KBTBD12: variants seen among roughly 807,000 people sequenced by gnomAD.
KBTBD12 encodes kelch repeat and BTB domain-containing protein 12.
In KBTBD12, 53 loss-of-function variants were observed where a neutral mutation model predicts 58.7. That is an observed-to-expected ratio of 0.90 (90% CI 0.72 to 1.14). KBTBD12 has a LOEUF of 1.14. Among genes scored for constraint, KBTBD12 ranks in the 50% most tolerant of loss-of-function variants. The pLI is 0.00. For missense variants in KBTBD12, 704 were observed against 751.3 expected (o/e 0.94, Z 0.74); for synonymous variants, 236 against 259.8 (o/e 0.91, Z 0.88).
chr3:127,926,254 T>A (rs1445006736), intron 2 of KBTBD12, among the ~76,000 whole-genome samples: 1 of 152,184 alleles, frequency 6.6e-6, no homozygotes, highest in African/African-American at 2.4e-5. Flanking sequence ...AAACATCTAC[T>A]TTCTAACCTT....
chr3:127,972,837 T>G (rs1467218355), intron 5 of KBTBD12, among the ~76,000 whole-genome samples: 1 of 152,146 alleles, frequency 6.6e-6, no homozygotes, highest in East Asian at 1.9e-4. Flanking sequence ...ACACATTGAA[T>G]CAAAAGCCAG....
intron 1 of KBTBD12, 77 bp from the exon 2 acceptor site, chr3:127,922,873 T>C (rs1162276670): frequency 6.0e-6 from 3 of 501,568 alleles, no homozygotes; most frequent in African/African-American, 5.8e-5. Context: ...TAAATACTTT[T>C]TTTAGAACTA....
In KBTBD12 at chr3:127,985,334, A is replaced by G. The variant is rs1378254334; in HGVS notation, c.*1056A>G. The G allele has an allele frequency of 6.6e-6, 1 of 152,260 alleles. No individual in the cohort carries two copies. The highest frequency in any genetic ancestry group is 1.5e-5 in the Non-Finnish European group (1 of 68,060). 9.4% of individuals were successfully genotyped at this position (152,260 alleles called of 1,614,324 possible). A position where few individuals can be genotyped will look rare whatever the true frequency, so the allele number is the denominator to read the frequency against. On this transcript the variant is annotated 3_prime_UTR_variant, in exon 6 of 6. Coordinates refer to ENST00000405109, the MANE Select transcript of KBTBD12 (RefSeq NM_207335.4). ...CTTCAGCCCACAATTGAGCATAATCAGAAGACAGTCACTCCCAAAATATAT... is the reference window on the plus strand; with the variant it reads ...CTTCAGCCCACAATTGAGCATAATCGGAAGACAGTCACTCCCAAAATATAT...
chr3:127,980,295 T>C (rs899999610), intron 5 of KBTBD12, among the ~76,000 whole-genome samples: 12 of 152,200 alleles, frequency 7.9e-5, no homozygotes, highest in African/African-American at 2.9e-4. Flanking sequence ...TTGGCACTGA[T>C]AGTGTAATCA....
chr3:127,975,806 T>C (rs1489428108), intron 5 of KBTBD12, among the ~76,000 whole-genome samples: 3 of 152,246 alleles, frequency 2.0e-5, no homozygotes, highest in African/African-American at 7.2e-5. Context: ...TGCTGTTGGC[T>C]TTGGACTTTA....
chr3:127,931,949 A>G (rs1448605947), intron 4 of KBTBD12, among the ~76,000 whole-genome samples: 3 of 152,120 alleles, frequency 2.0e-5, no homozygotes, highest in African/African-American at 7.2e-5. Flanking sequence ...GTAAACTGAG[A>G]AGCAGATTAT....
At chr3:127,953,792 T>C (rs181791971) in intron 4 of KBTBD12, among the ~76,000 whole-genome samples, 2 of 152,358 alleles carry the variant, frequency 1.3e-5, no homozygotes, top group East Asian at 3.9e-4. Context: ...GGAATAGATA[T>C]GGCCAGATTG....
chr3:127,947,116 GT>G (rs1388508742), intron 4 of KBTBD12, among the ~76,000 whole-genome samples: 3 of 151,716 alleles, frequency 2.0e-5, no homozygotes, highest in African/African-American at 7.3e-5. Flanking sequence ...CTTCTGTTAT[GT>G]TTTTTTCTTT....
chr3:127,917,888 C>G (rs776950284), intron 1 of KBTBD12, among the ~76,000 whole-genome samples: 3 of 152,148 alleles, frequency 2.0e-5, no homozygotes, highest in Non-Finnish European at 4.4e-5. Context: ...TTGAGCAACT[C>G]CTGTGTGCTA....
intron 4 of KBTBD12, among the ~76,000 whole-genome samples, chr3:127,939,023 G>T (rs1209968101): frequency 6.6e-6 from 1 of 152,210 alleles, no homozygotes; most frequent in Non-Finnish European, 1.5e-5. Context: ...ATTGTGCACA[G>T]AGAGAGCTCC....
intron 4 of KBTBD12, 63 bp downstream of exon 4, chr3:127,930,346 CA>C: frequency 6.8e-7 from 1 of 1,470,736 alleles, no homozygotes. Flanking sequence ...TTTGCCTCAG[CA>C]AAAATGAAAC....
At chr3:127,928,947 T>C (rs1939638264) in intron 3 of KBTBD12, among the ~76,000 whole-genome samples, 1 of 152,208 alleles carries the variant, frequency 6.6e-6, no homozygotes, top group Non-Finnish European at 1.5e-5. Context: ...TTTTCTGCTA[T>C]ATGTCAAAAA....
At chr3:127,946,316 C>A (rs1319683219) in intron 4 of KBTBD12, among the ~76,000 whole-genome samples, 1 of 152,018 alleles carries the variant, frequency 6.6e-6, no homozygotes, top group African/African-American at 2.4e-5. Context: ...TAGTGCAAGT[C>A]TCCTGGTAAT....
chr3:127,957,292 A>G (rs1480744498), intron 4 of KBTBD12, among the ~76,000 whole-genome samples: 1 of 152,242 alleles, frequency 6.6e-6, no homozygotes, highest in African/African-American at 2.4e-5. Flanking sequence ...AATACTGTCA[A>G]GCATCCTTTA....
chr3:127,962,348 C>T (rs1334360330), intron 4 of KBTBD12, among the ~76,000 whole-genome samples: 1 of 152,132 alleles, frequency 6.6e-6, no homozygotes, highest in Non-Finnish European at 1.5e-5. Flanking sequence ...AATTTGTATA[C>T]AATTATTTTT....
At chr3:127,982,912 G>A (rs1409305255) in intron 5 of KBTBD12, among the ~76,000 whole-genome samples, 1 of 152,198 alleles carries the variant, frequency 6.6e-6, no homozygotes, top group African/African-American at 2.4e-5. Flanking sequence ...AACTCTTCAT[G>A]TTGCCCAGGT....
chr3:127,938,219 ATAAT>A (rs1414236478), intron 4 of KBTBD12, among the ~76,000 whole-genome samples: 1 of 152,190 alleles, frequency 6.6e-6, no homozygotes, highest in Non-Finnish European at 1.5e-5. Context: ...GACTTATAAA[ATAAT>A]AATTAATATT....
intron 4 of KBTBD12, among the ~76,000 whole-genome samples, chr3:127,956,791 T>C (rs1205540561): frequency 6.6e-6 from 1 of 152,144 alleles, no homozygotes. Context: ...AAGAGGTAAA[T>C]TGTTAAAGAA....
chr3:127,945,137 T>C (rs1940045493), intron 4 of KBTBD12, among the ~76,000 whole-genome samples: 1 of 149,800 alleles, frequency 6.7e-6, no homozygotes, highest in Admixed American at 6.7e-5. Flanking sequence ...TTGTTTTCTG[T>C]GTGTTTTTTT....
Sources: gnomAD v4.1 joint callset for allele counts (sites outside exome capture counted in the v4.1 genomes callset) on GRCh38, gnomAD v4.1.1 for gene constraint, MANE v1.5 for transcripts, NCBI Gene and HGNC (gene_info 2026-07-23, HGNC 2026-07-21) for gene names.